CETN3: variants seen among roughly 807,000 people sequenced by gnomAD.
The protein encoded by CETN3 is centrin-3.
A neutral mutation model predicts 20.1 loss-of-function variants in CETN3; 17 were observed. That is an observed-to-expected ratio of 0.85 (90% CI 0.58 to 1.27). The LOEUF is 1.27. Among genes scored for constraint, CETN3 ranks in the 50% most tolerant of loss-of-function variants. The probability of loss-of-function intolerance (pLI) is 0.00; values close to 1 mark genes in which losing one functional copy is unlikely to be tolerated. For missense variants in CETN3, 169 were observed against 191.2 expected, an observed-to-expected ratio of 0.88 and a Z score of 0.69; for synonymous variants, 52 against 59.7, an observed-to-expected ratio of 0.87 and a Z score of 0.59.
chr5:90,400,431 A>G (rs925993575), intron 3 of CETN3, among the ~76,000 whole-genome samples: 1 of 152,124 alleles, frequency 6.6e-6, no homozygotes, highest in Non-Finnish European at 1.5e-5. Context: ...AATCTATGGC[A>G]TAAAAATTGG....
At chr5:90,396,593 C>G (rs1448864684) in intron 4 of CETN3, 10 of 1,460,450 alleles carry the variant, frequency 6.8e-6, no homozygotes, top group Admixed American at 2.1e-5. Flanking sequence ...CATAAAACAG[C>G]CTTAGAATGA....
At chr5:90,399,060 G>A in intron 4 of CETN3, 1 of 502,568 alleles carries the variant, frequency 2.0e-6, no homozygotes, top group South Asian at 3.1e-5. Flanking sequence ...AAAATCAATA[G>A]AACTTAGAAC....
At position 90,407,677 on chromosome 5, in the gene CETN3, ATATTT is replaced by A. The variant is rs750985867; in HGVS notation, c.153+17_153+21del. The A allele has an allele frequency of 2.9e-6, 4 of 1,382,886 alleles. No homozygotes were observed. The highest frequency in any genetic ancestry group is 2.9e-6 in the Non-Finnish European group (3 of 1,034,570). 85.7% of individuals were successfully genotyped at this position (1,382,886 alleles called of 1,614,324 possible). A position where few individuals can be genotyped will look rare whatever the true frequency, so the allele number is the denominator to read the frequency against. ...GCAAATCATTTTAACACAGAAACAA[ATATTT>A]TAAAGTATACCATTACCTTTAATTC... On this transcript the variant is annotated intron_variant, in intron 2 of 4. Transcript: ENST00000283122.
intron 3 of CETN3, among the ~76,000 whole-genome samples, chr5:90,400,948 C>T (rs976634899): frequency 3.4e-4 from 52 of 152,204 alleles, no homozygotes; most frequent in African/African-American, 1.3e-3. Context: ...ACATACTCAA[C>T]TTATTTTGAA....
At chr5:90,394,561 T>C (rs975496479) in intron 4 of CETN3, among the ~76,000 whole-genome samples, 14 of 152,056 alleles carry the variant, frequency 9.2e-5, no homozygotes, top group Admixed American at 9.2e-4. Flanking sequence ...AATGAAAATA[T>C]AATAAAATTA....
rs1454188936 is a variant in CETN3, at chr5:90,399,604, C to T, written c.269-55G>A. 7 of 1,369,692 alleles carry T rather than the reference C, an allele frequency of 5.1e-6. No homozygotes were observed. In the Admixed American group the frequency reaches 8.9e-5, roughly 17 times the overall value. 84.8% of individuals were successfully genotyped at this position (1,369,692 alleles called of 1,614,324 possible). On this transcript the variant is annotated intron_variant, in intron 3 of 4. Transcript: ENST00000283122. ...AAACCTGCATAATCACAAAGGCATTCATTTGTGAAATCAACTAAATATTAG... is the reference window on the plus strand; with the variant it reads ...AAACCTGCATAATCACAAAGGCATTTATTTGTGAAATCAACTAAATATTAG...
chr5:90,399,571 A>C, intron 3 of CETN3, 22 bp from the exon 4 acceptor site: 1 of 1,565,920 alleles, frequency 6.4e-7, no homozygotes, highest in Non-Finnish European at 8.8e-7. Flanking sequence ...AAACATATAT[A>C]TTTTAATAAA....
At chr5:90,405,531 A>C (rs1033603926) in intron 3 of CETN3, 154 bp downstream of exon 3, 4 of 572,776 alleles carry the variant, frequency 7.0e-6, no homozygotes, top group Admixed American at 3.6e-5. Context: ...TCTTTGAAAA[A>C]AAAACCAACA....
At position 90,399,458 on chromosome 5, in the gene CETN3, C is replaced by G; in HGVS notation, c.360G>C (p.Leu120Phe). ...FDDDDSGKISLRNLRRVAREL... is the reference protein window; with the variant it reads ...FDDDDSGKISFRNLRRVAREL... ...CTCTAGCAACACGTCGCAAATTCCT[C>G]AAGCTTATTTTACCTGAATCATCAT... is the stretch of plus-strand genomic sequence containing the variant. The change falls in exon 4 of 5, where the codon TTG becomes TTC. Residue 120 changes from leucine (L) to phenylalanine (F), a missense_variant. Physicochemically the swap from Leu to Phe is conservative, Grantham distance 22. Coordinates refer to ENST00000283122, the MANE Select transcript of CETN3 (RefSeq NM_004365.4). 6.2e-7 allele frequency: 1 copy of G among 1,613,934 alleles called. No individual in the cohort carries two copies. Among genetic ancestry groups the G allele is most frequent in the Non-Finnish European group, 8.5e-7 (1 of 1,179,920 alleles).
In CETN3 at chr5:90,394,062, C is replaced by T. The variant is rs759161636; in HGVS notation, c.*2G>A. ...ATTCTTAGTGTTTATCCTTGTAATT[C>T]TTTAAATGTCACCAGTCATAATAGC... is the stretch of plus-strand genomic sequence containing the variant. On this transcript the variant is annotated 3_prime_UTR_variant, in exon 5 of 5. Coordinates refer to ENST00000283122, the MANE Select transcript of CETN3 (RefSeq NM_004365.4). 6.5e-7 allele frequency: 1 copy of T among 1,535,816 alleles called. No homozygotes were observed. Among genetic ancestry groups the T allele is most frequent in the Admixed American group, 1.8e-5 (1 of 56,064 alleles).
rs569260861 is a variant in CETN3 at position 90,393,516 on chromosome 5, T to C, written c.*548A>G. On this transcript the variant is annotated 3_prime_UTR_variant, in exon 5 of 5. Coordinates refer to ENST00000283122, the MANE Select transcript of CETN3 (RefSeq NM_004365.4). ...GGACTCTTAAAAAAGGAATTAGGCT[T>C]ATATTGAGTCAGCTTGTATTAAAAT... 1 of 152,486 alleles carries C rather than the reference T, an allele frequency of 6.6e-6. No homozygotes were observed. The highest frequency in any genetic ancestry group is 1.9e-4 in the East Asian group (1 of 5,200). The allele number at this position is 152,486 out of a possible 1,614,324, so 9.4% of individuals were successfully genotyped here.
chr5:90,403,858 G>T (rs899452409), intron 3 of CETN3, among the ~76,000 whole-genome samples: 2 of 108,978 alleles, frequency 1.8e-5, no homozygotes, highest in African/African-American at 7.4e-5. Flanking sequence ...GCGACAGAGC[G>T]AGACTCTGTC....
chr5:90,401,235 T>C (rs953498386), intron 3 of CETN3, among the ~76,000 whole-genome samples: 6 of 152,318 alleles, frequency 3.9e-5, no homozygotes, highest in African/African-American at 7.2e-5. Context: ...TCTTGGGAAT[T>C]ATAAATGCTC....
chr5:90,403,657 G>C (rs1396301650), intron 3 of CETN3, among the ~76,000 whole-genome samples: 1 of 151,566 alleles, frequency 6.6e-6, no homozygotes, highest in African/African-American at 2.4e-5. Context: ...GGATCACGAG[G>C]TCAGGAGATC....
At chr5:90,395,474 T>C (rs1749117585) in intron 4 of CETN3, among the ~76,000 whole-genome samples, 2 of 152,034 alleles carry the variant, frequency 1.3e-5, no homozygotes, top group South Asian at 4.1e-4. Context: ...TTAATTAATT[T>C]AGAGACCGGG....
At chr5:90,396,439 C>T (rs989054371) in intron 4 of CETN3, 8 of 1,506,476 alleles carry the variant, frequency 5.3e-6, no homozygotes, top group Non-Finnish European at 7.1e-6. Context: ...TCTCTCTTTC[C>T]AATAAATACA....
At chr5:90,396,968 T>C (rs1749149766) in intron 4 of CETN3, among the ~76,000 whole-genome samples, 1 of 152,124 alleles carries the variant, frequency 6.6e-6, no homozygotes, top group Non-Finnish European at 1.5e-5. Flanking sequence ...TTACATAGCA[T>C]TTACATTGTA....
At position 90,409,709 on chromosome 5, in the gene CETN3, T is replaced by C. The variant is rs1580166936; in HGVS notation, c.-48A>G. On this transcript the variant is annotated 5_prime_UTR_variant, in exon 1 of 5. Coordinates refer to ENST00000283122, the MANE Select transcript of CETN3 (RefSeq NM_004365.4). ...CCTCTCAAGAACGATTTTAACCCCC[T>C]ACCCAAGGCAGCAAGACGCCCACAG... 1 of 1,613,058 alleles carries C rather than the reference T, an allele frequency of 6.2e-7. No homozygotes were observed. The highest frequency in any genetic ancestry group is 2.2e-5 in the East Asian group (1 of 44,850).
At chr5:90,399,116 T>A in intron 4 of CETN3, 1 of 587,072 alleles carries the variant, frequency 1.7e-6, no homozygotes, top group Non-Finnish European at 3.0e-6. Flanking sequence ...TGAAATTATA[T>A]TGAAAGGCTG....
Sources: gnomAD v4.1 joint callset for allele counts (sites outside exome capture counted in the v4.1 genomes callset) on GRCh38, gnomAD v4.1.1 for gene constraint, MANE v1.5 for transcripts, NCBI Gene and HGNC (gene_info 2026-07-23, HGNC 2026-07-21) for gene names.